The following ACER2 variants were observed in gnomAD, a reference collection of about 807,000 sequenced individuals.
ACER2 encodes the protein alkaline ceramidase 2.
A neutral mutation model predicts 34.7 loss-of-function variants in ACER2; 26 were observed. The ratio of observed to expected loss-of-function variants is 0.75; its 90% CI spans 0.55 to 1.04. The LOEUF is 1.04. ACER2 is among the 50% of genes least tolerant of loss of function. The pLI is 0.00. For missense variants in ACER2, 352 were observed against 340.8 expected (o/e 1.03, Z -0.26); for synonymous variants, 138 against 132.1 (o/e 1.04, Z -0.31).
intron 1 of ACER2, among the ~76,000 whole-genome samples, chr9:19,414,032 C>G (rs558940420): frequency 6.6e-6 from 1 of 152,268 alleles, no homozygotes; most frequent in South Asian, 2.1e-4. Flanking sequence ...GTTTTTAGTA[C>G]TGTGCATGGG....
At chr9:19,427,652 C>CTTCTCTTCTCTT (rs1554652422) in intron 3 of ACER2, among the ~76,000 whole-genome samples, 5 of 90,774 alleles carry the variant, frequency 5.5e-5, no homozygotes, top group African/African-American at 1.8e-4. Flanking sequence ...TTTCTCTTCT[C>CTTCTCTTCTCTT]TTCTCTTCTC....
intron 1 of ACER2, among the ~76,000 whole-genome samples, chr9:19,421,583 A>C (rs575013151): frequency 6.6e-6 from 1 of 152,310 alleles, no homozygotes; most frequent in South Asian, 2.1e-4. Context: ...GGTGAATGCC[A>C]GGGGCTGAGG....
At chr9:19,445,388 GATA>G (rs1214645094) in intron 4 of ACER2, among the ~76,000 whole-genome samples, 1 of 152,160 alleles carries the variant, frequency 6.6e-6, no homozygotes, top group Non-Finnish European at 1.5e-5. Context: ...CATGTCAGTG[GATA>G]AACACACACT....
rs377088227 is a variant in ACER2, at chr9:19,443,273, C to A, written c.504-3008C>A. ...GGTCTTGATCTCCTGAACTCGTGAT[C>A]CACCTGCTTCAGCCTCCCAAAGTGC... On this transcript the variant is annotated intron_variant, in intron 4 of 5. Transcript: ENST00000340967. Among the ~76,000 whole-genome samples, 3 of 152,234 alleles carry A rather than the reference C, an allele frequency of 2.0e-5. No homozygotes were observed. In the East Asian group the frequency reaches 5.8e-4, roughly 29 times the overall value.
chr9:19,446,287 C>A lies in ACER2; in HGVS notation c.510C>A (p.Asp170Glu). The change falls in exon 5 of 6, where the codon GAC becomes GAA. Residue 170 changes from aspartate (D) to glutamate (E), a missense_variant. Asp to Glu is a conservative substitution (Grantham distance 45). Coordinates refer to ENST00000340967, the MANE Select transcript of ACER2 (RefSeq NM_001010887.3). ...ALLIAELKRC[D>E]NMRVFKLGLF... ...TCTCTGGACCCCCGTGCAGGTGTGA[C>A]AACATGCGTGTGTTTAAGCTGGGCC... 1 of 1,614,172 alleles carries A rather than the reference C, an allele frequency of 6.2e-7. No individual in the cohort carries two copies. The highest frequency in any genetic ancestry group is 8.5e-7 in the Non-Finnish European group (1 of 1,180,030).
chr9:19,410,555 AC>A lies in ACER2; in HGVS notation c.108+1364del, dbSNP rs377269338. ...CGAAACCTCATCTCTACAAAAAAAT[AC>A]AAAAATTAGCTGGACATGTGGCACA... On this transcript the variant is annotated intron_variant, in intron 1 of 5. Transcript: ENST00000340967. 1.4e-3 allele frequency among the ~76,000 whole-genome samples: 220 copies of A among 152,324 alleles called. 2 individuals carry two copies. Among genetic ancestry groups the A allele is most frequent in the African/African-American group, 5.2e-3 (217 of 41,554 alleles).
In ACER2 at chr9:19,419,365, G is replaced by A. The variant is rs544648499; in HGVS notation, c.109-4497G>A. Among the ~76,000 whole-genome samples, 116 of 152,076 alleles carry A rather than the reference G, an allele frequency of 7.6e-4. 2 individuals carry two copies. In the South Asian group the frequency reaches 0.023, roughly 30 times the overall value. ...GGCCACATTTCTCAGACTGGTGACT[G>A]TATACCACCTGGGACGTCTCAGACA... is the stretch of plus-strand genomic sequence containing the variant. On this transcript the variant is annotated intron_variant, in intron 1 of 5. Coordinates refer to ENST00000340967, the MANE Select transcript of ACER2 (RefSeq NM_001010887.3).
intron 4 of ACER2, among the ~76,000 whole-genome samples, chr9:19,440,722 G>T (rs1831127304): frequency 1.3e-5 from 2 of 151,934 alleles, no homozygotes; most frequent in Admixed American, 6.6e-5. Context: ...CCCCCTGAAA[G>T]ATCTCCTCTA....
chr9:19,436,841 C>A (rs1039799936), intron 4 of ACER2, among the ~76,000 whole-genome samples: 2 of 152,180 alleles, frequency 1.3e-5, no homozygotes, highest in South Asian at 4.1e-4. Context: ...TACATTATTT[C>A]CTTAGGCTGT....
intron 5 of ACER2, among the ~76,000 whole-genome samples, chr9:19,449,021 T>C (rs1171480794): frequency 6.6e-6 from 1 of 152,072 alleles, no homozygotes; most frequent in African/African-American, 2.4e-5. Context: ...TCCCAGCTAT[T>C]TGGGAGGTTG....
intron 3 of ACER2, among the ~76,000 whole-genome samples, chr9:19,427,005 G>A (rs890276294): frequency 6.6e-6 from 1 of 152,240 alleles, no homozygotes; most frequent in East Asian, 1.9e-4. Context: ...TAGCCACTCT[G>A]TCCTCCTTTG....
chr9:19,437,924 C>A (rs1031733509), intron 4 of ACER2, among the ~76,000 whole-genome samples: 1 of 152,156 alleles, frequency 6.6e-6, no homozygotes, highest in Non-Finnish European at 1.5e-5. Context: ...TCTCATCTTC[C>A]TCTCTGATGT....
Position 19,446,486 on chromosome 9 carries a change from A to G in ACER2, c.641+68A>G, listed in dbSNP as rs879106926. The G allele has an allele frequency of 2.5e-6, 4 of 1,605,230 alleles. No individual in the cohort carries two copies. The South Asian group carries it at 3.3e-5, about 13-fold the overall frequency. ...TTGCACTTGCTGTTGGGCTCTGTTC[A>G]CCCTGCAAGTGGTGCACAGGTGTCC... is the stretch of plus-strand genomic sequence containing the variant. On this transcript the variant is annotated intron_variant, in intron 5 of 5. Coordinates refer to ENST00000340967, the MANE Select transcript of ACER2 (RefSeq NM_001010887.3).
intron 3 of ACER2, among the ~76,000 whole-genome samples, chr9:19,427,711 G>A (rs577396261): frequency 1.2e-4 from 16 of 138,320 alleles, no homozygotes; most frequent in African/African-American, 4.7e-4. Context: ...CTGTTGCCCA[G>A]GCTGGAGTGC....
chr9:19,409,394 C>G (rs555003565), intron 1 of ACER2, among the ~76,000 whole-genome samples: 5 of 152,236 alleles, frequency 3.3e-5, no homozygotes, highest in Non-Finnish European at 7.4e-5. Flanking sequence ...TTCCCGACAG[C>G]TGGGCTCATC....
chr9:19,412,841 T>G (rs1443631213), intron 1 of ACER2, among the ~76,000 whole-genome samples: 2 of 152,224 alleles, frequency 1.3e-5, no homozygotes, highest in Non-Finnish European at 2.9e-5. Flanking sequence ...AGTACTCCCT[T>G]TAATGGATTG....
intron 1 of ACER2, among the ~76,000 whole-genome samples, chr9:19,411,316 G>T (rs2132450812): frequency 6.6e-6 from 1 of 152,292 alleles, no homozygotes; most frequent in East Asian, 1.9e-4. Context: ...CAGAGAATAA[G>T]GTCATTGCCT....
At chr9:19,416,688 GC>G (rs1307102137) in intron 1 of ACER2, among the ~76,000 whole-genome samples, 65 of 146,194 alleles carry the variant, frequency 4.4e-4, no homozygotes, top group African/African-American at 1.6e-3. Flanking sequence ...ACCATGCCCA[GC>G]TAATTTTTTT....
At chr9:19,421,901 T>C (rs1830418466) in intron 1 of ACER2, among the ~76,000 whole-genome samples, 1 of 152,174 alleles carries the variant, frequency 6.6e-6, no homozygotes, top group Non-Finnish European at 1.5e-5. Flanking sequence ...TAGTTGGCTG[T>C]TGAGCACAGG....
Sources: gnomAD v4.1 joint callset for allele counts (sites outside exome capture counted in the v4.1 genomes callset) on GRCh38, gnomAD v4.1.1 for gene constraint, MANE v1.5 for transcripts, NCBI Gene and HGNC (gene_info 2026-07-23, HGNC 2026-07-21) for gene names.